R3HCC1L: variants seen among roughly 807,000 people sequenced by gnomAD.
R3HCC1L encodes the protein R3H domain and coiled-coil containing 1 like, also known as coiled-coil domain-containing protein R3HCC1L.
A neutral mutation model predicts 59.9 loss-of-function variants in R3HCC1L; 51 were observed. The observed-to-expected ratio is 0.85, with a 90% CI of 0.68 to 1.07. The LOEUF is 1.07. R3HCC1L is among the 50% of genes least tolerant of loss of function. The pLI, the probability that R3HCC1L is intolerant of heterozygous loss-of-function variation, is 0.00. For missense variants in R3HCC1L, 965 were observed against 933.0 expected, an observed-to-expected ratio of 1.03 and a Z score of -0.45; for synonymous variants, 322 against 315.2, an observed-to-expected ratio of 1.02 and a Z score of -0.23.
At chr10:98,198,235 A>G (rs1448674517) in intron 4 of R3HCC1L, among the ~76,000 whole-genome samples, 2 of 152,088 alleles carry the variant, frequency 1.3e-5, no homozygotes, top group Non-Finnish European at 2.9e-5. Flanking sequence ...AAAGTGTATA[A>G]TTATCTTAGT....
intron 4 of R3HCC1L, among the ~76,000 whole-genome samples, chr10:98,206,582 T>A (rs1409487817): frequency 7.7e-6 from 1 of 129,380 alleles, no homozygotes; most frequent in African/African-American, 2.8e-5. Flanking sequence ...AACTAATCTC[T>A]AAATTCATTT....
chr10:98,195,603 A>ACC (rs369165148), intron 4 of R3HCC1L, among the ~76,000 whole-genome samples: 5 of 151,674 alleles, frequency 3.3e-5, no homozygotes, highest in South Asian at 2.1e-4. Context: ...ACAAAAAAAA[A>ACC]CTCTTTGTTA....
intron 4 of R3HCC1L, among the ~76,000 whole-genome samples, chr10:98,198,876 T>C (rs1164484761): frequency 6.6e-6 from 1 of 152,148 alleles, no homozygotes; most frequent in Non-Finnish European, 1.5e-5. Flanking sequence ...ATTAGAATTA[T>C]TTAATGTGGA....
chr10:98,169,285 A>G (rs1414093932), intron 4 of R3HCC1L, among the ~76,000 whole-genome samples: 3 of 152,186 alleles, frequency 2.0e-5, no homozygotes, highest in Non-Finnish European at 4.4e-5. Context: ...CAGGCAGTCT[A>G]GTCTAGTAGT....
intron 5 of R3HCC1L, among the ~76,000 whole-genome samples, chr10:98,215,767 A>G (rs960419664): frequency 5.3e-5 from 8 of 152,204 alleles, no homozygotes; most frequent in Non-Finnish European, 1.0e-4. Flanking sequence ...CAATAACAAT[A>G]TGTTGATTGT....
intron 5 of R3HCC1L, among the ~76,000 whole-genome samples, chr10:98,213,359 G>A (rs1853805454): frequency 6.6e-6 from 1 of 152,122 alleles, no homozygotes; most frequent in Non-Finnish European, 1.5e-5. Context: ...AGTTGTTCAT[G>A]TTTTATTTGG....
Position 98,209,419 on chromosome 10 carries a change from A to G in R3HCC1L, c.1305A>G (p.Glu435=), listed in dbSNP as rs1298827986. ...LHVARSGNDT[E]DFSNPSACSD... ...TAGCTAGAAGTGGGAATGACACTGA[A>G]GATTTCAGCAACCCTTCTGCTTGCT... The change falls in exon 5 of 10, where the codon GAA becomes GAG. Residue 435 remains glutamate, a synonymous_variant. Transcript: ENST00000298999. The G allele has an allele frequency of 6.2e-7, 1 of 1,613,698 alleles. No homozygotes were observed. The highest frequency in any genetic ancestry group is 2.2e-5 in the East Asian group (1 of 44,876).
At chr10:98,211,242 C>G (rs1853532270) in intron 5 of R3HCC1L, 1 of 1,029,404 alleles carries the variant, frequency 9.7e-7, no homozygotes, top group Non-Finnish European at 1.4e-6. Flanking sequence ...ATGAGTATCA[C>G]CTAGGAACTT....
intron 2 of R3HCC1L, among the ~76,000 whole-genome samples, chr10:98,162,672 T>TTGTGTG (rs138697556): frequency 2.4e-4 from 36 of 148,114 alleles, no homozygotes; most frequent in Middle Eastern, 3.5e-3. Flanking sequence ...GTGTGTGTGT[T>TTGTGTG]TGTGTGTGTG....
At position 98,199,451 on chromosome 10, in the gene R3HCC1L, T is replaced by C. The variant is rs189244645; in HGVS notation, c.-14-8650T>C. Among the ~76,000 whole-genome samples the C allele has an allele frequency of 3.0e-3, 453 of 152,202 alleles. 4 individuals carry two copies. The highest frequency in any genetic ancestry group is 9.2e-3 in the African/African-American group (384 of 41,574). On this transcript the variant is annotated intron_variant, in intron 4 of 9. Coordinates refer to ENST00000298999, the MANE Select transcript of R3HCC1L (RefSeq NM_001351015.2). ...ATCTTTAAATTTTAGTGATTTTTTT[T>C]TTAATTACAAGAATACTGCCTGTTC...
intron 9 of R3HCC1L, among the ~76,000 whole-genome samples, chr10:98,239,818 C>T (rs1857337719): frequency 6.6e-6 from 1 of 152,258 alleles, no homozygotes; most frequent in Middle Eastern, 3.4e-3. Flanking sequence ...CCACCTCAGC[C>T]TCCTGAGTAG....
intron 4 of R3HCC1L, among the ~76,000 whole-genome samples, chr10:98,164,951 T>G (rs1273189196): frequency 6.6e-6 from 1 of 152,210 alleles, no homozygotes; most frequent in Non-Finnish European, 1.5e-5. Context: ...AAGGTGTTAT[T>G]GATTCTGTCA....
At chr10:98,189,054 A>T (rs1427290725) in intron 4 of R3HCC1L, among the ~76,000 whole-genome samples, 3 of 152,194 alleles carry the variant, frequency 2.0e-5, no homozygotes, top group Non-Finnish European at 4.4e-5. Flanking sequence ...CATGTATTGA[A>T]GTTCATATAT....
chr10:98,228,803 G>T (rs1301997377), intron 5 of R3HCC1L, among the ~76,000 whole-genome samples: 2 of 152,134 alleles, frequency 1.3e-5, no homozygotes, highest in Non-Finnish European at 2.9e-5. Context: ...TCTACATATG[G>T]CCAGCCAGTT....
chr10:98,153,168 A>G (rs959883220), intron 1 of R3HCC1L, among the ~76,000 whole-genome samples: 10 of 152,330 alleles, frequency 6.6e-5, no homozygotes, highest in African/African-American at 2.4e-4. Flanking sequence ...TGTGGAATAG[A>G]AAAGGGGGAA....
chr10:98,173,468 A>G (rs1848708969), intron 4 of R3HCC1L, among the ~76,000 whole-genome samples: 1 of 152,162 alleles, frequency 6.6e-6, no homozygotes, highest in African/African-American at 2.4e-5. Flanking sequence ...TGCTTCGGAA[A>G]TGAGAGCCTT....
intron 4 of R3HCC1L, among the ~76,000 whole-genome samples, chr10:98,169,389 T>C (rs1848287249): frequency 6.6e-6 from 1 of 152,250 alleles, no homozygotes; most frequent in Non-Finnish European, 1.5e-5. Context: ...AAAATTGGGA[T>C]AATCATAGCT....
intron 4 of R3HCC1L, among the ~76,000 whole-genome samples, chr10:98,195,705 C>T (rs547648867): frequency 3.3e-4 from 50 of 152,156 alleles, no homozygotes; most frequent in East Asian, 5.8e-4. Context: ...TGTTAAACCC[C>T]GTCTTTTTTT....
At chr10:98,156,883 T>G (rs888631331) in intron 2 of R3HCC1L, among the ~76,000 whole-genome samples, 2 of 152,228 alleles carry the variant, frequency 1.3e-5, no homozygotes, top group Non-Finnish European at 2.9e-5. Flanking sequence ...CACTCAGTCT[T>G]TCCTAAATTT....
Sources: gnomAD v4.1 joint callset for allele counts (sites outside exome capture counted in the v4.1 genomes callset) on GRCh38, gnomAD v4.1.1 for gene constraint, MANE v1.5 for transcripts, NCBI Gene and HGNC (gene_info 2026-07-23, HGNC 2026-07-21) for gene names.